The following SLC25A21 variants were observed in gnomAD, a reference collection of about 807,000 sequenced individuals.
The protein encoded by SLC25A21 is solute carrier family 25 member 21, also known as mitochondrial 2-oxodicarboxylate carrier.
A neutral mutation model predicts 43.8 loss-of-function variants in SLC25A21; 47 were observed. The observed-to-expected ratio is 1.07, with a 90% CI of 0.85 to 1.37. The LOEUF (loss-of-function observed/expected upper bound fraction) is 1.37. Ranked by LOEUF, SLC25A21 falls within the 40% of genes most tolerant of loss-of-function variation. The pLI, the probability that SLC25A21 is intolerant of heterozygous loss-of-function variation, is 0.00. For synonymous variants in SLC25A21, 131 were observed against 121.3 expected (o/e 1.08, Z -0.52); for missense variants, 352 against 350.2 (o/e 1.00, Z -0.04).
At chr14:36,853,572 C>T (rs1566676486) in intron 2 of SLC25A21, among the ~76,000 whole-genome samples, 1 of 152,172 alleles carries the variant, frequency 6.6e-6, no homozygotes, top group Non-Finnish European at 1.5e-5. Context: ...CTGTGAGTGG[C>T]CTGGCTGCTC....
At chr14:36,907,349 G>A (rs1336429499) in intron 1 of SLC25A21, among the ~76,000 whole-genome samples, 1 of 148,700 alleles carries the variant, frequency 6.7e-6, no homozygotes, top group Non-Finnish European at 1.5e-5. Context: ...TGTTTGTTTT[G>A]TTGGTTGGTT....
intron 7 of SLC25A21, among the ~76,000 whole-genome samples, chr14:36,696,253 G>A (rs1207923232): frequency 6.6e-6 from 1 of 152,202 alleles, no homozygotes; most frequent in Non-Finnish European, 1.5e-5. Context: ...TCCTAGGGAT[G>A]AAGCTGACTT....
In SLC25A21 at chr14:36,679,962, T is replaced by TAAATCACTG; in HGVS notation, c.*695_*696insCAGTGATTT. The TAAATCACTG allele has an allele frequency of 1.1e-6, 1 of 877,246 alleles. No homozygotes were observed. The highest frequency in any genetic ancestry group is 1.4e-6 in the Non-Finnish European group (1 of 732,630). 54.3% of individuals were successfully genotyped at this position (877,246 alleles called of 1,614,324 possible). A position where few individuals can be genotyped will look rare whatever the true frequency, so the allele number is the denominator to read the frequency against. Reference sequence around the variant, plus strand: ...TTTAAACATGCTTAAACAACAGTGTTTTAACATTCTGTTTTAAACAATGTT... The same window carrying TAAATCACTG: ...TTTAAACATGCTTAAACAACAGTGTTAAATCACTGTTAACATTCTGTTTTAAACAATGTT... On this transcript the variant is annotated 3_prime_UTR_variant, in exon 10 of 10. Coordinates refer to ENST00000331299, the MANE Select transcript of SLC25A21 (RefSeq NM_030631.4).
At position 36,679,567 on chromosome 14, in the gene SLC25A21, A is replaced by ATGT. The variant is rs1203785173; in HGVS notation, c.*1088_*1090dup. On this transcript the variant is annotated 3_prime_UTR_variant, in exon 10 of 10. Transcript: ENST00000331299. ...ACCAAGGAGATATTTTTGTTGATACATGTTAGTATAGTAATCCTTAGAAAT... is the reference window on the plus strand; with the variant it reads ...ACCAAGGAGATATTTTTGTTGATACATGTTGTTAGTATAGTAATCCTTAGAAAT... 2.0e-6 allele frequency: 2 copies of ATGT among 985,266 alleles called. No individual in the cohort carries two copies. Among genetic ancestry groups the ATGT allele is most frequent in the Non-Finnish European group, 1.2e-6 (1 of 829,900 alleles). 61.0% of individuals were successfully genotyped at this position (985,266 alleles called of 1,614,324 possible).
chr14:36,756,293 G>A (rs1594557212), intron 3 of SLC25A21, among the ~76,000 whole-genome samples: 1 of 152,186 alleles, frequency 6.6e-6, no homozygotes, highest in Non-Finnish European at 1.5e-5. Context: ...ACGATGTTCG[G>A]CCGCCTCCTT....
At chr14:37,073,294 A>T (rs1328836730) in intron 1 of SLC25A21, among the ~76,000 whole-genome samples, 1 of 152,226 alleles carries the variant, frequency 6.6e-6, no homozygotes, top group Non-Finnish European at 1.5e-5. Context: ...ACAGTTCCCT[A>T]TTCTTTTTCC....
intron 1 of SLC25A21, among the ~76,000 whole-genome samples, chr14:37,023,032 G>C (rs943446058): frequency 6.6e-6 from 1 of 151,910 alleles, no homozygotes. Flanking sequence ...TCTGCAGGCC[G>C]TCAACACAAC....
At chr14:36,702,976 C>A (rs958323532) in intron 7 of SLC25A21, among the ~76,000 whole-genome samples, 7 of 152,160 alleles carry the variant, frequency 4.6e-5, no homozygotes, top group Non-Finnish European at 2.9e-5. Flanking sequence ...ATGAAAGATA[C>A]CCCTTTTTAC....
chr14:37,040,332 G>GGAAA (rs1432086754), intron 1 of SLC25A21, among the ~76,000 whole-genome samples: 1 of 51,732 alleles, frequency 1.9e-5, no homozygotes, highest in African/African-American at 2.2e-4. Flanking sequence ...AAGAGGGGAA[G>GGAAA]GAAGGAAGGA....
chr14:36,750,649 G>A (rs1205862454), intron 3 of SLC25A21, among the ~76,000 whole-genome samples: 1 of 152,086 alleles, frequency 6.6e-6, no homozygotes, highest in Non-Finnish European at 1.5e-5. Context: ...GTAGGTCTGA[G>A]GGGAAGTTTG....
intron 2 of SLC25A21, among the ~76,000 whole-genome samples, chr14:36,840,602 C>T (rs1270690061): frequency 2.0e-5 from 3 of 152,162 alleles, no homozygotes; most frequent in Non-Finnish European, 4.4e-5. Flanking sequence ...TAAAATGTAT[C>T]ATCCTTCAAA....
rs573304986 is a variant in SLC25A21, at chr14:37,096,840, AT to A, written c.70+75440del. ...GAATTACCCGTCTGAGAGGTCTCAT[AT>A]CTCTGTCACCTCAGGATTGGTCAGT... On this transcript the variant is annotated intron_variant, in intron 1 of 9. Transcript: ENST00000331299. 2.5e-3 allele frequency among the ~76,000 whole-genome samples: 375 copies of A among 152,136 alleles called. 2 individuals carry two copies. Among genetic ancestry groups the A allele is most frequent in the African/African-American group, 8.5e-3 (354 of 41,506 alleles).
chr14:36,787,503 C>T (rs1887293672), intron 3 of SLC25A21, among the ~76,000 whole-genome samples: 1 of 151,930 alleles, frequency 6.6e-6, no homozygotes, highest in South Asian at 2.1e-4. Flanking sequence ...AAAAGGATAG[C>T]CTTGCTTAAA....
intron 1 of SLC25A21, among the ~76,000 whole-genome samples, chr14:36,960,401 G>T (rs1205271146): frequency 6.6e-6 from 1 of 151,946 alleles, no homozygotes; most frequent in Non-Finnish European, 1.5e-5. Context: ...TAGTGGTGAG[G>T]GGTGGCAAGA....
chr14:36,707,836 T>A (rs910233266), intron 7 of SLC25A21, among the ~76,000 whole-genome samples: 7 of 152,190 alleles, frequency 4.6e-5, no homozygotes, highest in African/African-American at 1.7e-4. Flanking sequence ...CTTTTTAAAA[T>A]AATGAAAGCC....
chr14:36,826,434 G>T (rs1293315264), intron 2 of SLC25A21, among the ~76,000 whole-genome samples: 1 of 152,140 alleles, frequency 6.6e-6, no homozygotes, highest in African/African-American at 2.4e-5. Context: ...GGTCTCATTT[G>T]TTGCCCATCA....
chr14:37,073,229 T>A (rs1167992939), intron 1 of SLC25A21, among the ~76,000 whole-genome samples: 1 of 152,242 alleles, frequency 6.6e-6, no homozygotes, highest in Non-Finnish European at 1.5e-5. Context: ...GAGAATATTG[T>A]ATAGACCTTG....
In SLC25A21 at chr14:36,680,490, TA is replaced by T; in HGVS notation, c.*167del. 8.0e-7 allele frequency: 1 copy of T among 1,249,716 alleles called. No individual in the cohort carries two copies. The highest frequency in any genetic ancestry group is 3.1e-5 in the East Asian group (1 of 32,600). 77.4% of individuals were successfully genotyped at this position (1,249,716 alleles called of 1,614,324 possible). A position where few individuals can be genotyped will look rare whatever the true frequency, so the allele number is the denominator to read the frequency against. On this transcript the variant is annotated 3_prime_UTR_variant, in exon 10 of 10. Coordinates refer to ENST00000331299, the MANE Select transcript of SLC25A21 (RefSeq NM_030631.4). ...AGTTTTATTTATACAGCCAAAACTA[TA>T]ATCTCAAGTTGCCTATAGACATTTT...
rs141731179 is a variant in SLC25A21, at chr14:36,785,620, C to T, written c.203+28298G>A. ...ACTACAATATGAAAAGTGGGTTATA[C>T]AGATCAGTGTGTCAGCATCCTGCAT... On this transcript the variant is annotated intron_variant, in intron 3 of 9. Transcript: ENST00000331299. Among the ~76,000 whole-genome samples the T allele has an allele frequency of 3.7e-4, 57 of 152,290 alleles. 1 individual carries two copies. Among genetic ancestry groups the T allele is most frequent in the Non-Finnish European group, 8.8e-5 (6 of 68,016 alleles).
Sources: gnomAD v4.1 joint callset for allele counts (sites outside exome capture counted in the v4.1 genomes callset) on GRCh38, gnomAD v4.1.1 for gene constraint, MANE v1.5 for transcripts, NCBI Gene and HGNC (gene_info 2026-07-23, HGNC 2026-07-21) for gene names.